The following CAST variants were observed in gnomAD, a reference collection of about 807,000 sequenced individuals.
The protein encoded by CAST is calpastatin, also known as MIR583 host.
In CAST, 76 loss-of-function variants were observed where a neutral mutation model predicts 119.6. The ratio of observed to expected loss-of-function variants is 0.64; its 90% CI spans 0.53 to 0.77. CAST has a LOEUF of 0.77. Among genes scored for constraint, CAST ranks in the 30% least tolerant of loss-of-function variants. CAST has a pLI of 0.00. For missense variants in CAST, 953 were observed against 946.5 expected, an observed-to-expected ratio of 1.01 and a Z score of -0.09; for synonymous variants, 319 against 331.6, an observed-to-expected ratio of 0.96 and a Z score of 0.41.
the CAST span, among the ~76,000 whole-genome samples, chr5:96,299,377 A>G: frequency 3.3e-5 from 5 of 152,192 alleles, no homozygotes; most frequent in Non-Finnish European, 4.4e-5. Context: ...GCAATAGAAA[A>G]AGACTGAAAT....
the CAST span, among the ~76,000 whole-genome samples, chr5:96,147,534 C>T: frequency 5.6e-4 from 85 of 152,072 alleles, no homozygotes; most frequent in Non-Finnish European, 9.9e-4. Context: ...ACCTGGGAGG[C>T]GGAGCTTGCA....
At chr5:96,005,975 T>C in the CAST span, among the ~76,000 whole-genome samples, 1 of 152,224 alleles carries the variant, frequency 6.6e-6, no homozygotes, top group Non-Finnish European at 1.5e-5. Flanking sequence ...ATCTTGTTTA[T>C]AAATATTGTC....
At chr5:96,661,884 GT>G (rs1177410299), upstream of CAST, among the ~76,000 whole-genome samples, 1 of 152,196 alleles carries the variant, frequency 6.6e-6, no homozygotes, top group Non-Finnish European at 1.5e-5. Flanking sequence ...AGACCAATTT[GT>G]TTTTGTGATC....
the CAST span, among the ~76,000 whole-genome samples, chr5:96,287,919 A>G: frequency 6.6e-6 from 1 of 152,170 alleles, no homozygotes; most frequent in Non-Finnish European, 1.5e-5. Flanking sequence ...ACAAACTTGA[A>G]ACAGAAAATC....
the CAST span, among the ~76,000 whole-genome samples, chr5:96,490,518 T>A: frequency 6.6e-6 from 1 of 152,122 alleles, no homozygotes; most frequent in African/African-American, 2.4e-5. Context: ...AGGCAAATTA[T>A]AAAGCTAGAG....
chr5:96,166,673 A>G, the CAST span, among the ~76,000 whole-genome samples: 1 of 152,192 alleles, frequency 6.6e-6, no homozygotes, highest in Non-Finnish European at 1.5e-5. Context: ...AATCTAGATA[A>G]TCAATTGAAG....
chr5:96,171,379 A>T, the CAST span, among the ~76,000 whole-genome samples: 63 of 152,248 alleles, frequency 4.1e-4, 1 homozygote, highest in African/African-American at 1.3e-3. Flanking sequence ...GGAGGGTGGA[A>T]GGTTGCCCAT....
At chr5:96,108,632 TC>T in the CAST span, among the ~76,000 whole-genome samples, 1,925 of 152,348 alleles carry the variant, frequency 0.013, 145 homozygotes, top group Admixed American at 0.11. Flanking sequence ...TTCAAAGCTG[TC>T]AGACAGGGAC....
the CAST span, among the ~76,000 whole-genome samples, chr5:96,153,380 A>T: frequency 3.3e-5 from 5 of 152,070 alleles, no homozygotes; most frequent in African/African-American, 1.2e-4. Context: ...GTCCCAACGC[A>T]CTCAGGTTCT....
At chr5:96,095,104 G>A in the CAST span, among the ~76,000 whole-genome samples, 2 of 152,208 alleles carry the variant, frequency 1.3e-5, no homozygotes, top group Non-Finnish European at 2.9e-5. Flanking sequence ...GGGTGAAATG[G>A]TTGGATTTAG....
chr5:96,432,980 T>C, the CAST span: 2 of 1,614,226 alleles, frequency 1.2e-6, no homozygotes, highest in Non-Finnish European at 1.7e-6. Flanking sequence ...CACTGTTCAG[T>C]GCACACCAAG....
At chr5:96,462,047 T>A in the CAST span, among the ~76,000 whole-genome samples, 3 of 152,104 alleles carry the variant, frequency 2.0e-5, no homozygotes, top group African/African-American at 7.2e-5. Flanking sequence ...GGCCTAGGAA[T>A]CAAGGAATCT....
At chr5:96,714,296 T>C (rs1210765080) in intron 3 of CAST, among the ~76,000 whole-genome samples, 1 of 152,258 alleles carries the variant, frequency 6.6e-6, no homozygotes, top group African/African-American at 2.4e-5. Flanking sequence ...GCTCATGCTC[T>C]TAACCTCTGT....
chr5:96,727,337 T>G, intron 5 of CAST, 152 bp from the exon 6 acceptor site: 1 of 514,162 alleles, frequency 1.9e-6, no homozygotes, highest in South Asian at 3.3e-5. Flanking sequence ...TCAAGCAAAG[T>G]GTAACAAACT....
upstream of CAST, among the ~76,000 whole-genome samples, chr5:96,520,762 G>T (rs1048647959): frequency 3.3e-5 from 5 of 152,078 alleles, no homozygotes; most frequent in African/African-American, 1.2e-4. Flanking sequence ...GTAGTTCTTT[G>T]TCATCATTTC....
At chr5:96,615,590 G>T (rs990855565) in intron 1 of CAST, among the ~76,000 whole-genome samples, 4 of 152,212 alleles carry the variant, frequency 2.6e-5, no homozygotes, top group African/African-American at 9.7e-5. Flanking sequence ...GCTCCACCAC[G>T]CCAGGCCCCA....
chr5:96,491,452 C>G, the CAST span, among the ~76,000 whole-genome samples: 2 of 126,782 alleles, frequency 1.6e-5, no homozygotes, highest in African/African-American at 5.9e-5. Flanking sequence ...GATCACGCCA[C>G]TGCACTCCAG....
the CAST span, among the ~76,000 whole-genome samples, chr5:96,451,061 C>T: frequency 4.6e-5 from 7 of 152,282 alleles, no homozygotes; most frequent in Middle Eastern, 3.4e-3. Context: ...CCTATGCCCT[C>T]CTAGATTCCT....
At chr5:96,251,665 A>G in the CAST span, among the ~76,000 whole-genome samples, 1 of 152,184 alleles carries the variant, frequency 6.6e-6, no homozygotes, top group Non-Finnish European at 1.5e-5. Flanking sequence ...CTCTGGCCAC[A>G]GAGAAGCCCA....
Sources: gnomAD v4.1 joint callset for allele counts (sites outside exome capture counted in the v4.1 genomes callset) on GRCh38, gnomAD v4.1.1 for gene constraint, MANE v1.5 for transcripts, NCBI Gene and HGNC (gene_info 2026-07-23, HGNC 2026-07-21) for gene names.